ARHGAP25: variants seen among roughly 807,000 people sequenced by gnomAD.
The protein encoded by ARHGAP25 is Rho GTPase activating protein 25.
In ARHGAP25, 34 loss-of-function variants were observed where a neutral mutation model predicts 71.0. That is an observed-to-expected ratio of 0.48 (90% CI 0.36 to 0.64). The LOEUF is 0.64. Among genes scored for constraint, ARHGAP25 ranks in the 30% least tolerant of loss-of-function variants. The pLI is 0.00. For missense variants in ARHGAP25, 706 were observed against 805.1 expected, an observed-to-expected ratio of 0.88 and a Z score of 1.49; for synonymous variants, 282 against 296.5, an observed-to-expected ratio of 0.95 and a Z score of 0.50.
intron 1 of ARHGAP25, among the ~76,000 whole-genome samples, chr2:68,758,541 C>G (rs1349001033): frequency 6.6e-6 from 1 of 151,876 alleles, no homozygotes; most frequent in Non-Finnish European, 1.5e-5. Context: ...ATAGATTGCT[C>G]AGTACAATGA....
intron 2 of ARHGAP25, among the ~76,000 whole-genome samples, chr2:68,780,754 A>G (rs1678273420): frequency 6.6e-6 from 1 of 151,202 alleles, no homozygotes; most frequent in Non-Finnish European, 1.5e-5. Context: ...TTATTTCTAG[A>G]TCCTCAAGAA....
chr2:68,752,211 A>C (rs1163016881), intron 1 of ARHGAP25, among the ~76,000 whole-genome samples: 1 of 152,236 alleles, frequency 6.6e-6, no homozygotes, highest in Non-Finnish European at 1.5e-5. Flanking sequence ...GACTGCTATA[A>C]ATAAGGAAAA....
chr2:68,765,762 T>G (rs781251164), intron 1 of ARHGAP25, among the ~76,000 whole-genome samples: 4 of 152,246 alleles, frequency 2.6e-5, no homozygotes, highest in Non-Finnish European at 5.9e-5. Flanking sequence ...TATCAGGTTG[T>G]AGAATAGGAG....
intron 3 of ARHGAP25, among the ~76,000 whole-genome samples, chr2:68,785,009 A>G (rs1678648966): frequency 6.6e-6 from 1 of 152,206 alleles, no homozygotes; most frequent in South Asian, 2.1e-4. Context: ...AGCTGGAGGA[A>G]GAGCATTCCA....
intron 2 of ARHGAP25, among the ~76,000 whole-genome samples, chr2:68,719,428 CAAAA>C (rs201534754): frequency 4.0e-5 from 3 of 74,864 alleles, no homozygotes; most frequent in African/African-American, 5.9e-5. Flanking sequence ...GTCGACATGG[CAAAA>C]AAAAAAAAAA....
chr2:68,791,121 G>A lies in ARHGAP25; in HGVS notation c.466+3165G>A, dbSNP rs116210216. Among the ~76,000 whole-genome samples, 1,116 of 152,256 alleles carry A rather than the reference G, an allele frequency of 7.3e-3. 16 individuals are homozygous for A. Among genetic ancestry groups the A allele is most frequent in the African/African-American group, 0.025 (1,026 of 41,544 alleles). On this transcript the variant is annotated intron_variant, in intron 4 of 10. Transcript: ENST00000409202. ...ATCACCTTAGTAGGCCTTCCTCTAT[G>A]ATTCTGTTTAACGTTGGACCCCTTC...
Position 68,822,671 on chromosome 2 carries a change from G to C in ARHGAP25, c.1532G>C (p.Gly511Ala), listed in dbSNP as rs72903633. 1,667 of 1,614,116 alleles carry C rather than the reference G, an allele frequency of 1.0e-3. 21 individuals carry two copies. In the African/African-American group the frequency reaches 0.019, roughly 19 times the overall value. The change falls in exon 10 of 11, where the codon GGG becomes GCG. Residue 511 changes from glycine (G) to alanine (A), a missense_variant. Physicochemically the swap from Gly to Ala is moderately conservative, Grantham distance 60 (BLOSUM62 0). Transcript: ENST00000409202. ...TACGATAACGTCCCTTCCCTGCCAG[G>C]GTCCCCTGGGGAGGAAGCCAGTGCA... ...STYDNVPSLP[G>A]SPGEEASALS...
chr2:68,761,611 A>G (rs955844042), intron 1 of ARHGAP25, among the ~76,000 whole-genome samples: 1 of 152,172 alleles, frequency 6.6e-6, no homozygotes, highest in African/African-American at 2.4e-5. Flanking sequence ...AAGATATGCA[A>G]ATGGACAATA....
At chr2:68,745,752 T>C (rs1370024833) in intron 1 of ARHGAP25, among the ~76,000 whole-genome samples, 1 of 152,236 alleles carries the variant, frequency 6.6e-6, no homozygotes, top group Non-Finnish European at 1.5e-5. Context: ...GGATAATTTA[T>C]ACAGAACAGA....
chr2:68,787,431 A>G (rs994301209), intron 3 of ARHGAP25, among the ~76,000 whole-genome samples: 2 of 152,074 alleles, frequency 1.3e-5, no homozygotes, highest in Non-Finnish European at 2.9e-5. Flanking sequence ...TACCCCCACA[A>G]CTGAGCTCAG....
intron 5 of ARHGAP25, among the ~76,000 whole-genome samples, chr2:68,812,556 T>C (rs960870646): frequency 3.9e-5 from 6 of 152,272 alleles, no homozygotes; most frequent in African/African-American, 1.4e-4. Context: ...AAGTCACCTA[T>C]GTGTTCCCAT....
At chr2:68,735,485 G>A (rs935947723) in intron 1 of ARHGAP25, 1 of 598,644 alleles carries the variant, frequency 1.7e-6, no homozygotes. Context: ...ACTCCTTGGT[G>A]TGCAGGATCT....
rs749262945 is a variant in ARHGAP25 at position 68,787,866 on chromosome 2, C to A, written c.376C>A (p.Gln126Lys). 1 of 1,614,056 alleles carries A rather than the reference C, an allele frequency of 6.2e-7. No individual in the cohort carries two copies. Among genetic ancestry groups the A allele is most frequent in the East Asian group, 2.2e-5 (1 of 44,898 alleles). The change falls in exon 4 of 11, where the codon CAG becomes AAG. Residue 126 changes from glutamine to lysine, a missense_variant. Physicochemically the swap from Gln to Lys is moderately conservative, Grantham distance 53. Coordinates refer to ENST00000409202, the MANE Select transcript of ARHGAP25 (RefSeq NM_001007231.3). ...CTCATGGGACCAGAATCGCATGGGA[C>A]AGGACTCCTATGTCCTCATGGCCAG... ...PASWDQNRMG[Q>K]DSYVLMASSQ...
intron 5 of ARHGAP25, among the ~76,000 whole-genome samples, chr2:68,808,654 T>G (rs1166710828): frequency 6.6e-6 from 1 of 152,222 alleles, no homozygotes; most frequent in Non-Finnish European, 1.5e-5. Context: ...AGCAGCACCA[T>G]AAACTGCACC....
chr2:68,716,770 T>C (rs1674616754), intron 2 of ARHGAP25, among the ~76,000 whole-genome samples: 1 of 152,234 alleles, frequency 6.6e-6, no homozygotes, highest in Admixed American at 6.5e-5. Context: ...TAGGCGTCCT[T>C]ATTCTACTGT....
At chr2:68,723,029 G>A (rs372630164) in intron 2 of ARHGAP25, among the ~76,000 whole-genome samples, 2 of 152,090 alleles carry the variant, frequency 1.3e-5, no homozygotes. Flanking sequence ...GGGTGACAGC[G>A]CCTCTGTTTT....
At chr2:68,713,884 T>G (rs947149507) in intron 2 of ARHGAP25, among the ~76,000 whole-genome samples, 2 of 152,350 alleles carry the variant, frequency 1.3e-5, no homozygotes, top group East Asian at 3.9e-4. Context: ...GGATTCAGTT[T>G]GCTACTATTT....
chr2:68,774,508 G>T (rs1677696446), intron 1 of ARHGAP25, among the ~76,000 whole-genome samples: 1 of 152,186 alleles, frequency 6.6e-6, no homozygotes, highest in African/African-American at 2.4e-5. Flanking sequence ...AACTGTAAAG[G>T]TCATAGGAAG....
chr2:68,726,314 A>G (rs1177699704), intron 2 of ARHGAP25, among the ~76,000 whole-genome samples: 1 of 152,224 alleles, frequency 6.6e-6, no homozygotes, highest in Non-Finnish European at 1.5e-5. Context: ...TTGCCAGTCA[A>G]AAGCTGTCAA....
Sources: gnomAD v4.1 joint callset for allele counts (sites outside exome capture counted in the v4.1 genomes callset) on GRCh38, gnomAD v4.1.1 for gene constraint, MANE v1.5 for transcripts, NCBI Gene and HGNC (gene_info 2026-07-23, HGNC 2026-07-21) for gene names.